Variants in ZNF536 observed in about 807,000 individuals in gnomAD.
ZNF536 encodes zinc finger protein 536.
A neutral mutation model predicts 84.5 loss-of-function variants in ZNF536; 13 were observed. The ratio of observed to expected loss-of-function variants is 0.15; its 90% CI spans 0.10 to 0.24. ZNF536 has a LOEUF of 0.24. Ranked by LOEUF, ZNF536 falls within the 10% of genes least tolerant of loss-of-function variation. ZNF536 has a pLI of 1.00. For synonymous variants in ZNF536, 811 were observed against 742.5 expected (o/e 1.09, Z -1.50); for missense variants, 1,536 against 1,747.5 (o/e 0.88, Z 2.16).
intron 2 of ZNF536, among the ~76,000 whole-genome samples, chr19:30,308,351 A>G (rs571254055): frequency 6.7e-6 from 1 of 149,762 alleles, no homozygotes; most frequent in Non-Finnish European, 1.5e-5. Flanking sequence ...TCTTGTGAAC[A>G]TTTTTTTTTT....
intron 2 of ZNF536, among the ~76,000 whole-genome samples, chr19:30,490,446 G>A (rs184664072): frequency 1.3e-5 from 2 of 152,292 alleles, no homozygotes; most frequent in Admixed American, 6.5e-5. Flanking sequence ...ACAGGGGTCT[G>A]AGGAGGAAAG....
intron 1 of ZNF536, among the ~76,000 whole-genome samples, chr19:30,581,696 G>A (rs1317450922): frequency 1.7e-4 from 26 of 151,938 alleles, no homozygotes; most frequent in Admixed American, 1.7e-3. Flanking sequence ...TCAGCACTTT[G>A]GGAGGCCGAG....
rs571088598 is a variant in ZNF536 at position 30,549,401 on chromosome 19, C to A, written c.3782C>A (p.Pro1261Gln). ...PERGPQSLDK[P>Q]MNMLSVLRAY... Reference sequence around the variant, plus strand: ...CGGGGGCCCCAGAGCCTGGACAAGCCGATGAACATGCTGTCGGTCCTCAGG... The same window carrying A: ...CGGGGGCCCCAGAGCCTGGACAAGCAGATGAACATGCTGTCGGTCCTCAGG... Residue 1261 changes from proline (P) to glutamine (Q), a missense_variant, in exon 4 of 5, where the codon CCG becomes CAG. By Grantham distance (76) the Pro-to-Gln change is moderately conservative. Transcript: ENST00000355537. The A allele has an allele frequency of 2.5e-6, 4 of 1,594,404 alleles. No individual in the cohort carries two copies. The African/African-American group carries it at 4.0e-5, about 16-fold the overall frequency.
At chr19:30,656,340 C>A (rs2049913773) in intron 1 of ZNF536, among the ~76,000 whole-genome samples, 2 of 152,146 alleles carry the variant, frequency 1.3e-5, no homozygotes, top group Admixed American at 6.5e-5. Context: ...AGTGCCGGAC[C>A]ATTTTCCATC....
At chr19:30,404,264 C>G (rs1329830410) in intron 1 of ZNF536, among the ~76,000 whole-genome samples, 1 of 152,142 alleles carries the variant, frequency 6.6e-6, no homozygotes, top group East Asian at 1.9e-4. Flanking sequence ...CCAGACTCCC[C>G]AAGGAAATGT....
intron 1 of ZNF536, among the ~76,000 whole-genome samples, chr19:30,258,357 C>A (rs1057422478): frequency 6.6e-6 from 1 of 152,126 alleles, no homozygotes; most frequent in Non-Finnish European, 1.5e-5. Context: ...CAGGTACAGC[C>A]CAGCATCTTG....
intron 1 of ZNF536, among the ~76,000 whole-genome samples, chr19:30,246,709 C>T (rs970196235): frequency 6.6e-6 from 1 of 152,252 alleles, no homozygotes; most frequent in African/African-American, 2.4e-5. Flanking sequence ...AGAATGATCT[C>T]CTGTTGAATT....
chr19:30,247,211 T>A (rs760160960), intron 1 of ZNF536, among the ~76,000 whole-genome samples: 23 of 152,248 alleles, frequency 1.5e-4, no homozygotes, highest in Non-Finnish European at 3.1e-4. Flanking sequence ...GCCCCCATTG[T>A]AGGCCAGGTG....
chr19:30,349,540 T>C (rs1348870905), intron 2 of ZNF536, among the ~76,000 whole-genome samples: 2 of 152,112 alleles, frequency 1.3e-5, no homozygotes, highest in Admixed American at 1.3e-4. Context: ...GAACCTCAAC[T>C]CATGGCCAAT....
At chr19:30,293,637 T>C (rs983482482) in intron 2 of ZNF536, among the ~76,000 whole-genome samples, 2 of 152,208 alleles carry the variant, frequency 1.3e-5, no homozygotes, top group Non-Finnish European at 2.9e-5. Flanking sequence ...CTGGCAGAGC[T>C]GGACTCTTAC....
At chr19:30,330,634 A>G (rs1200063924) in intron 2 of ZNF536, among the ~76,000 whole-genome samples, 1 of 152,204 alleles carries the variant, frequency 6.6e-6, no homozygotes, top group Non-Finnish European at 1.5e-5. Context: ...CTCCCAGGCC[A>G]TATCTGTGAA....
intron 3 of ZNF536, among the ~76,000 whole-genome samples, chr19:30,355,506 G>A (rs564704775): frequency 8.5e-5 from 13 of 152,166 alleles, no homozygotes; most frequent in African/African-American, 2.9e-4. Flanking sequence ...CCGTGCCTTA[G>A]CCTCCCAAGT....
Position 30,610,519 on chromosome 19 carries a change from C to T in ZNF536, c.169+61005C>T, listed in dbSNP as rs1016850954. 8.5e-5 allele frequency among the ~76,000 whole-genome samples: 13 copies of T among 152,176 alleles called. No homozygotes were observed. In the East Asian group the frequency reaches 2.5e-3, roughly 29 times the overall value. On this transcript the variant is annotated intron_variant, in intron 1 of 1. Transcript: ENST00000592773. ...TTTAGGACTCCCCATTGGGCTGATCCTGGGGTGAGGTATTCCCATTCAATT... is the reference window on the plus strand; with the variant it reads ...TTTAGGACTCCCCATTGGGCTGATCTTGGGGTGAGGTATTCCCATTCAATT...
intron 1 of ZNF536, among the ~76,000 whole-genome samples, chr19:30,255,111 AT>A (rs951876974): frequency 1.3e-5 from 2 of 152,170 alleles, no homozygotes; most frequent in African/African-American, 4.8e-5. Context: ...GTGTGGCATA[AT>A]TTGCATTTTT....
rs766068117 is a variant in ZNF536 at position 30,549,046 on chromosome 19, G to A, written c.3427G>A (p.Glu1143Lys). ...KEPDGKAHSE[E>K]DVPILIPETT... The stretch of plus-strand genomic sequence containing the variant: ...GCCTGATGGAAAGGCCCACTCTGAA[G>A]AGGATGTCCCCATCCTGATCCCCGA... The change falls in exon 4 of 5, where the codon GAG becomes AAG. Residue 1143 changes from glutamate (E) to lysine (K), a missense_variant. Physicochemically the swap from Glu to Lys is moderately conservative, Grantham distance 56. Around this residue, in one of 8 missense-constraint regions of ZNF536, gnomAD observed 624 missense variants for 603.1 expected, o/e 1.03. Transcript: ENST00000355537. 1.9e-6 allele frequency: 3 copies of A among 1,614,090 alleles called. No homozygotes were observed. The highest frequency in any genetic ancestry group is 1.1e-5 in the South Asian group (1 of 91,082).
intron 3 of ZNF536, among the ~76,000 whole-genome samples, chr19:30,352,884 A>G (rs1420525217): frequency 6.6e-6 from 1 of 152,242 alleles, no homozygotes; most frequent in Non-Finnish European, 1.5e-5. Flanking sequence ...TCTGGTTCCA[A>G]GAAAGTGCTG....
intron 1 of ZNF536, among the ~76,000 whole-genome samples, chr19:30,373,815 G>C (rs1204411187): frequency 2.7e-5 from 4 of 148,636 alleles, no homozygotes; most frequent in African/African-American, 1.0e-4. Context: ...GGAAAGATGT[G>C]CCAGAATTCC....
chr19:30,474,662 T>C, intron 2 of ZNF536, among the ~76,000 whole-genome samples: 2 of 152,278 alleles, frequency 1.3e-5, no homozygotes, highest in East Asian at 3.9e-4. Context: ...CTAACATTGA[T>C]TACTATTAAT....
At chr19:30,632,181 G>A (rs955710487) in intron 1 of ZNF536, among the ~76,000 whole-genome samples, 4 of 152,190 alleles carry the variant, frequency 2.6e-5, no homozygotes, top group African/African-American at 9.6e-5. Flanking sequence ...TAGTAGCTCT[G>A]TGTGACCTTA....
Sources: allele counts gnomAD v4.1 joint callset (sites outside exome capture counted in the v4.1 genomes callset), GRCh38; gene constraint gnomAD v4.1.1; regional missense constraint gnomAD v4.1.1; transcripts MANE v1.5; gene names NCBI Gene and HGNC (gene_info 2026-07-23, HGNC 2026-07-21).